Variants in AHCYL2 observed in about 807,000 individuals in gnomAD.
AHCYL2 encodes the protein S-adenosylhomocysteine hydrolase-like protein 2.
A neutral mutation model predicts 81.4 loss-of-function variants in AHCYL2; 28 were observed. That is an observed-to-expected ratio of 0.34 (90% CI 0.25 to 0.47). AHCYL2 has a LOEUF of 0.47. AHCYL2 is among the 20% of genes least tolerant of loss of function. The pLI is 1.00. For synonymous variants in AHCYL2, 272 were observed against 290.2 expected (o/e 0.94, Z 0.64); for missense variants, 551 against 785.1 (o/e 0.70, Z 3.56).
intron 1 of AHCYL2, among the ~76,000 whole-genome samples, chr7:129,318,134 A>T (rs1324313190): frequency 6.6e-6 from 1 of 152,256 alleles, no homozygotes; most frequent in Admixed American, 6.5e-5. Flanking sequence ...GATTATATGG[A>T]AGAGTCAGGT....
chr7:129,405,590 C>T (rs892069206), intron 8 of AHCYL2: 1 of 426,264 alleles, frequency 2.3e-6, no homozygotes, highest in African/African-American at 2.0e-5. Flanking sequence ...TTTATTTAAC[C>T]TTCCTGTCTG....
At chr7:129,325,002 A>G (rs1798168755) in intron 1 of AHCYL2, among the ~76,000 whole-genome samples, 1 of 152,162 alleles carries the variant, frequency 6.6e-6, no homozygotes, top group Admixed American at 6.6e-5. Context: ...TATTATTGTC[A>G]TACATTTTAG....
chr7:129,423,164 A>G (rs2150967999), intron 13 of AHCYL2, among the ~76,000 whole-genome samples: 1 of 152,328 alleles, frequency 6.6e-6, no homozygotes, highest in Non-Finnish European at 1.5e-5. Context: ...CTCCACGTCA[A>G]TCCACAGGTT....
At chr7:129,320,683 T>G (rs1445037713) in intron 1 of AHCYL2, among the ~76,000 whole-genome samples, 2 of 152,068 alleles carry the variant, frequency 1.3e-5, no homozygotes, top group Non-Finnish European at 2.9e-5. Context: ...AGTTCAGTGG[T>G]TTTTAGTATA....
rs71162592 is a variant in AHCYL2, at chr7:129,299,369, G to GTTTTTT, written c.363+73967_363+73972dup. On this transcript the variant is annotated intron_variant, in intron 1 of 16. Transcript: ENST00000325006. ...AGGCTGAGGTGGGAGAGTCCAACTT[G>GTTTTTT]TTTTTTTTTTTTTTTTTTTTTTTTT... 1.4e-3 allele frequency among the ~76,000 whole-genome samples: 63 copies of GTTTTTT among 46,306 alleles called. 16 individuals carry two copies. Among genetic ancestry groups the GTTTTTT allele is most frequent in the East Asian group, 2.7e-3 (3 of 1,104 alleles). 30.4% of individuals were successfully genotyped at this position (46,306 alleles called of 152,430 possible).
chr7:129,249,715 G>A (rs1333277643), intron 1 of AHCYL2, among the ~76,000 whole-genome samples: 2 of 152,166 alleles, frequency 1.3e-5, no homozygotes, highest in Non-Finnish European at 2.9e-5. Context: ...GTGAGCCACC[G>A]TGCCTGGCCT....
intron 1 of AHCYL2, among the ~76,000 whole-genome samples, chr7:129,297,398 G>A (rs1475477158): frequency 6.6e-6 from 1 of 152,162 alleles, no homozygotes; most frequent in Non-Finnish European, 1.5e-5. Flanking sequence ...CCCCAAGGGA[G>A]AAGCGACTGT....
At chr7:129,293,109 C>G (rs1429762279) in intron 1 of AHCYL2, among the ~76,000 whole-genome samples, 1 of 151,378 alleles carries the variant, frequency 6.6e-6, no homozygotes, top group Non-Finnish European at 1.5e-5. Flanking sequence ...GCCACTGTGC[C>G]TGGCTTTCTC....
At chr7:129,422,998 C>G in intron 13 of AHCYL2, 60 bp downstream of exon 13, 2 of 1,411,876 alleles carry the variant, frequency 1.4e-6, no homozygotes, top group South Asian at 2.4e-5. Flanking sequence ...ATACCCAGGT[C>G]CCCTCCTCCT....
At chr7:129,414,741 G>T (rs1463479662) in intron 12 of AHCYL2, among the ~76,000 whole-genome samples, 2 of 152,042 alleles carry the variant, frequency 1.3e-5, no homozygotes, top group African/African-American at 4.8e-5. Context: ...TTTCTTTTCA[G>T]ACTTACCAAA....
At chr7:129,273,175 T>G (rs1796077101) in intron 1 of AHCYL2, among the ~76,000 whole-genome samples, 1 of 152,118 alleles carries the variant, frequency 6.6e-6, no homozygotes, top group Non-Finnish European at 1.5e-5. Flanking sequence ...GTGCTGGGAT[T>G]ATAGGCATGA....
At chr7:129,226,013 C>A (rs1319417151) in intron 1 of AHCYL2, among the ~76,000 whole-genome samples, 1 of 152,128 alleles carries the variant, frequency 6.6e-6, no homozygotes, top group African/African-American at 2.4e-5. Context: ...ATTCTCTCTT[C>A]CCTGAATATG....
intron 7 of AHCYL2, among the ~76,000 whole-genome samples, chr7:129,404,715 C>T (rs995365225): frequency 1.3e-5 from 2 of 152,102 alleles, no homozygotes; most frequent in Admixed American, 6.5e-5. Context: ...AACAGCCAGG[C>T]GTAGTCTCAT....
intron 12 of AHCYL2, among the ~76,000 whole-genome samples, chr7:129,416,788 G>A (rs1443508165): frequency 6.6e-6 from 1 of 151,128 alleles, no homozygotes; most frequent in Non-Finnish European, 1.5e-5. Flanking sequence ...TGACAAGAGC[G>A]AAATTCCATC....
At chr7:129,295,494 G>A (rs565074479) in intron 1 of AHCYL2, among the ~76,000 whole-genome samples, 3 of 152,246 alleles carry the variant, frequency 2.0e-5, no homozygotes, top group East Asian at 1.9e-4. Flanking sequence ...TAGGCAGTAG[G>A]AGACCATTGT....
intron 1 of AHCYL2, among the ~76,000 whole-genome samples, chr7:129,272,898 A>G (rs1237424750): frequency 2.0e-5 from 3 of 151,900 alleles, no homozygotes; most frequent in Admixed American, 6.6e-5. Flanking sequence ...CAAATGGCCA[A>G]TGACTTTTAT....
rs35753023 is a variant in AHCYL2, at chr7:129,277,278, C to CGTTTTTT, written c.363+51839_363+51840insGTTTTTT. Among the ~76,000 whole-genome samples, 14 of 135,792 alleles carry CGTTTTTT rather than the reference C, an allele frequency of 1.0e-4. 5 individuals are homozygous for CGTTTTTT. The highest frequency in any genetic ancestry group is 9.6e-5 in the Non-Finnish European group (6 of 62,826). 89.1% of individuals were successfully genotyped at this position (135,792 alleles called of 152,430 possible). On this transcript the variant is annotated intron_variant, in intron 1 of 16. Transcript: ENST00000325006. ...TATTTATTACCTCTAAAGTCTCTCT[C>CGTTTTTT]TTTTTTTTTTTTTTTTTTGAGATAG...
intron 1 of AHCYL2, among the ~76,000 whole-genome samples, chr7:129,229,413 A>G (rs575980095): frequency 6.6e-6 from 1 of 152,240 alleles, no homozygotes; most frequent in South Asian, 2.1e-4. Context: ...CAACCATACT[A>G]TGAGATGTAG....
Position 129,225,229 on chromosome 7 carries a change from G to A in AHCYL2, c.153G>A (p.Glu51=), listed in dbSNP as rs1332322029. The A allele has an allele frequency of 2.7e-6, 4 of 1,497,818 alleles. No individual in the cohort carries two copies. The highest frequency in any genetic ancestry group is 2.2e-5 in the Admixed American group (1 of 44,836). The allele number at this position is 1,497,818 out of a possible 1,614,324, so 92.8% of individuals were successfully genotyped here. The change falls in exon 1 of 17, where the codon GAG becomes GAA. Residue 51 remains glutamate, a synonymous_variant. Coordinates refer to ENST00000325006, the MANE Select transcript of AHCYL2 (RefSeq NM_015328.4). ...MAPPAGGGDP[E]APAPAAERPP... ...CCCCGGCGGGCGGTGGAGACCCTGA[G>A]GCTCCAGCTCCCGCCGCGGAGCGGC...
Sources: gnomAD v4.1 joint callset for allele counts (sites outside exome capture counted in the v4.1 genomes callset) on GRCh38, gnomAD v4.1.1 for gene constraint, MANE v1.5 for transcripts, NCBI Gene and HGNC (gene_info 2026-07-23, HGNC 2026-07-21) for gene names.